The following ZNF777 variants were observed in gnomAD, a reference collection of about 807,000 sequenced individuals.
The protein encoded by ZNF777 is zinc finger protein 777.
A neutral mutation model predicts 72.1 loss-of-function variants in ZNF777; 7 were observed. That is an observed-to-expected ratio of 0.10 (90% CI 0.06 to 0.18). ZNF777 has a LOEUF of 0.18. Among genes scored for constraint, ZNF777 ranks in the 10% least tolerant of loss-of-function variants. The probability of loss-of-function intolerance (pLI) is 1.00; values close to 1 mark genes in which losing one functional copy is unlikely to be tolerated. For missense variants in ZNF777, 828 were observed against 1,128.6 expected (o/e 0.73, Z 3.82); for synonymous variants, 545 against 483.5 (o/e 1.13, Z -1.67).
chr7:149,450,886 C>T lies in ZNF777; in HGVS notation c.1087+113G>A, dbSNP rs1319966491. On this transcript the variant is annotated intron_variant, in intron 4 of 5. Coordinates refer to ENST00000247930, the MANE Select transcript of ZNF777 (RefSeq NM_015694.3). ...GGTCCTGGCACCTGCGGGCCTCCTTCCTGCTAACATATCCTGGCAGGGCCT... is the reference window on the plus strand; with the variant it reads ...GGTCCTGGCACCTGCGGGCCTCCTTTCTGCTAACATATCCTGGCAGGGCCT... 6 of 924,922 alleles carry T rather than the reference C, an allele frequency of 6.5e-6. No individual in the cohort carries two copies. The African/African-American group carries it at 6.6e-5, about 10-fold the overall frequency. 57.3% of individuals were successfully genotyped at this position (924,922 alleles called of 1,614,324 possible).
intron 3 of ZNF777, among the ~76,000 whole-genome samples, chr7:149,452,425 T>C (rs1361447872): frequency 6.6e-6 from 1 of 151,640 alleles, no homozygotes; most frequent in Non-Finnish European, 1.5e-5. Context: ...GGTCAGGAAA[T>C]CAAGACCATC....
In ZNF777 at chr7:149,454,157, G is replaced by A. The variant is rs1255308326; in HGVS notation, c.927C>T (p.Leu309=). 1.2e-6 allele frequency: 2 copies of A among 1,614,206 alleles called. No individual in the cohort carries two copies. Among genetic ancestry groups the A allele is most frequent in the East Asian group, 2.2e-5 (1 of 44,888 alleles). The change falls in exon 3 of 6, where the codon CTC becomes CTT. Residue 309 remains leucine, a synonymous_variant. Coordinates refer to ENST00000247930, the MANE Select transcript of ZNF777 (RefSeq NM_015694.3). ...AGTTGCCCCTCATCACGTTCTTGTAGAGCTCCTTCTGCCACTCAGACAGGT... is the reference window on the plus strand; with the variant it reads ...AGTTGCCCCTCATCACGTTCTTGTAAAGCTCCTTCTGCCACTCAGACAGGT... ...WGNLSEWQKE[L]YKNVMRGNYE...
intron 1 of ZNF777, among the ~76,000 whole-genome samples, chr7:149,459,116 G>C (rs1334332914): frequency 1.3e-5 from 2 of 152,126 alleles, no homozygotes; most frequent in Non-Finnish European, 2.9e-5. Flanking sequence ...ATCTTCGTTT[G>C]ATTTTATTTT....
rs1389720890 is a variant in ZNF777 at position 149,431,476 on chromosome 7, G to A, written c.*300C>T. 8.9e-6 allele frequency: 4 copies of A among 447,138 alleles called. No individual in the cohort carries two copies. The highest frequency in any genetic ancestry group is 1.5e-4 in the East Asian group (2 of 13,288). 27.7% of individuals were successfully genotyped at this position (447,138 alleles called of 1,614,324 possible). ...TACACCGCCCCTCTGAGTGGCCGGC[G>A]GCCAAATCACGCCCCCCGTGCTGAT... On this transcript the variant is annotated 3_prime_UTR_variant, in exon 6 of 6. Transcript: ENST00000247930.
intron 5 of ZNF777, among the ~76,000 whole-genome samples, chr7:149,435,722 C>G (rs1799398590): frequency 6.6e-6 from 1 of 152,136 alleles, no homozygotes; most frequent in Admixed American, 6.5e-5. Flanking sequence ...CATGTGGGTT[C>G]TACCAATTTT....
chr7:149,457,431 A>C (rs1489570668), intron 1 of ZNF777, among the ~76,000 whole-genome samples: 2 of 152,214 alleles, frequency 1.3e-5, no homozygotes, highest in Admixed American at 6.5e-5. Context: ...GCATAGCCCC[A>C]GTGTTCAGTC....
Position 149,431,487 on chromosome 7 carries a change from G to A in ZNF777, c.*289C>T. ...TCTGAGTGGCCGGCGGCCAAATCACGCCCCCCGTGCTGATTGGTTTCATCC... is the reference window on the plus strand; with the variant it reads ...TCTGAGTGGCCGGCGGCCAAATCACACCCCCCGTGCTGATTGGTTTCATCC... On this transcript the variant is annotated 3_prime_UTR_variant, in exon 6 of 6. Transcript: ENST00000247930. The A allele has an allele frequency of 2.2e-6, 1 of 449,238 alleles. No homozygotes were observed. Among genetic ancestry groups the A allele is most frequent in the Admixed American group, 2.4e-5 (1 of 41,210 alleles). 27.8% of individuals were successfully genotyped at this position (449,238 alleles called of 1,614,324 possible).
chr7:149,458,703 C>G (rs893985991), intron 1 of ZNF777, among the ~76,000 whole-genome samples: 1 of 152,232 alleles, frequency 6.6e-6, no homozygotes, highest in East Asian at 1.9e-4. Context: ...AGGGTGTTCC[C>G]TCCCTCGCCT....
At chr7:149,449,156 T>C (rs911729906) in intron 4 of ZNF777, among the ~76,000 whole-genome samples, 1 of 152,146 alleles carries the variant, frequency 6.6e-6, no homozygotes, top group African/African-American at 2.4e-5. Context: ...GCCGGGGCCT[T>C]TGGTTTAGCA....
Position 149,442,274 on chromosome 7 carries a change from T to TACAC in ZNF777, c.1088-5452_1088-5449dup, listed in dbSNP as rs148217571. Among the ~76,000 whole-genome samples the TACAC allele has an allele frequency of 8.6e-3, 1,187 of 138,548 alleles. 5 individuals carry two copies. Among genetic ancestry groups the TACAC allele is most frequent in the African/African-American group, 0.018 (671 of 37,092 alleles). The allele number at this position is 138,548 out of a possible 152,430, so 90.9% of individuals were successfully genotyped here. A position where few individuals can be genotyped will look rare whatever the true frequency, so the allele number is the denominator to read the frequency against. On this transcript the variant is annotated intron_variant, in intron 4 of 5. Coordinates refer to ENST00000247930, the MANE Select transcript of ZNF777 (RefSeq NM_015694.3). ...ATACATAAAAGTTAAAAACTGCTAT[T>TACAC]ACACACACACACACACACACACACA... is the stretch of plus-strand genomic sequence containing the variant.
At chr7:149,453,971 T>C (rs1799774529) in intron 3 of ZNF777, 140 bp downstream of exon 3, 1 of 1,320,570 alleles carries the variant, frequency 7.6e-7, no homozygotes. Context: ...GGCGTTTGCT[T>C]TAATTTGTTG....
intron 3 of ZNF777, among the ~76,000 whole-genome samples, 170 bp from the exon 4 acceptor site, chr7:149,451,282 G>GGTGTGGGT (rs1181327922): frequency 6.6e-6 from 1 of 152,050 alleles, no homozygotes; most frequent in African/African-American, 2.4e-5. Flanking sequence ...TGGGTGTGGG[G>GGTGTGGGT]GTGTGGGTGT....
chr7:149,456,165 T>C (rs1002179827), intron 1 of ZNF777, 128 bp from the exon 2 acceptor site: 15 of 977,100 alleles, frequency 1.5e-5, no homozygotes, highest in Non-Finnish European at 2.1e-5. Flanking sequence ...GCCCCTCATA[T>C]GTGAATCTCT....
At chr7:149,438,376 T>A (rs992901807) in intron 4 of ZNF777, among the ~76,000 whole-genome samples, 54 of 152,350 alleles carry the variant, frequency 3.5e-4, no homozygotes, top group African/African-American at 1.1e-3. Flanking sequence ...CCGTGGCTTA[T>A]TCATTCTTTC....
At chr7:149,454,830 C>T (rs1221806745) in intron 2 of ZNF777, among the ~76,000 whole-genome samples, 1 of 152,182 alleles carries the variant, frequency 6.6e-6, no homozygotes, top group Admixed American at 6.5e-5. Context: ...TTAACCCAAG[C>T]TCCTTCCTCT....
intron 4 of ZNF777, among the ~76,000 whole-genome samples, chr7:149,450,242 G>A (rs941972469): frequency 4.6e-5 from 7 of 152,210 alleles, no homozygotes; most frequent in African/African-American, 1.4e-4. Context: ...CCACAAGAGC[G>A]CCTGCAGTGT....
At chr7:149,438,609 T>A (rs2116576187) in intron 4 of ZNF777, among the ~76,000 whole-genome samples, 1 of 152,270 alleles carries the variant, frequency 6.6e-6, no homozygotes, top group Non-Finnish European at 1.5e-5. Context: ...ACACAATAAA[T>A]AAATTACTTT....
intron 4 of ZNF777, among the ~76,000 whole-genome samples, chr7:149,449,709 CA>C (rs1240207554): frequency 2.0e-5 from 3 of 152,156 alleles, no homozygotes; most frequent in Admixed American, 6.5e-5. Context: ...TGATTTTCCT[CA>C]ACCAAAAGTT....
intron 4 of ZNF777, among the ~76,000 whole-genome samples, chr7:149,448,565 AG>A (rs1413084547): frequency 1.9e-4 from 19 of 101,606 alleles, no homozygotes; most frequent in Non-Finnish European, 3.3e-4. Flanking sequence ...ATAGTTATAT[AG>A]TTATACATAT....
Sources: gnomAD v4.1 joint callset for allele counts (sites outside exome capture counted in the v4.1 genomes callset) on GRCh38, gnomAD v4.1.1 for gene constraint, MANE v1.5 for transcripts, NCBI Gene and HGNC (gene_info 2026-07-23, HGNC 2026-07-21) for gene names.